The following KRT2 variants were observed in gnomAD, a reference collection of about 807,000 sequenced individuals.
The protein encoded by KRT2 is keratin, type II cytoskeletal 2 epidermal.
KRT2 carries 37 observed loss-of-function variants against 48.5 expected under a neutral mutation model. The ratio of observed to expected loss-of-function variants is 0.76; its 90% confidence interval spans 0.59 to 1.00. KRT2 has a LOEUF of 1.00. KRT2 is among the 50% of genes least tolerant of loss of function. The pLI, the probability that KRT2 is intolerant of heterozygous loss-of-function variation, is 0.00. For synonymous variants in KRT2, 324 were observed against 312.2 expected (o/e 1.04, Z -0.40); for missense variants, 880 against 815.2 (o/e 1.08, Z -0.97).
rs1941186835 is a variant in KRT2 at position 52,647,617 on chromosome 12, A to C, written c.1248+113T>G. The C allele has an allele frequency of 3.2e-6, 4 of 1,243,714 alleles. No homozygotes were observed. In the Admixed American group the frequency reaches 5.8e-5, roughly 18 times the overall value. 77.0% of individuals were successfully genotyped at this position (1,243,714 alleles called of 1,614,324 possible). The stretch of plus-strand genomic sequence containing the variant: ...GGAATTTGGGATCGATACATGCTAG[A>C]GTGCAATATCTCAGTGTCTCTCATC... On this transcript the variant is annotated intron_variant, in intron 6 of 8. Coordinates refer to ENST00000309680, the MANE Select transcript of KRT2 (RefSeq NM_000423.3).
rs1218541083 is a variant in KRT2 at position 52,651,783 on chromosome 12, T to C, written c.360A>G (p.Gly120=). 6.2e-7 allele frequency: 1 copy of C among 1,610,688 alleles called. No homozygotes were observed. The highest frequency in any genetic ancestry group is 8.5e-7 in the Non-Finnish European group (1 of 1,178,262). ...GGCCCCCAAAACCTCCAAAGCGGCC[T>C]CCACCAAAGCCGCCTCCACCGAAAC... The part of the protein sequence containing the change: ...GGGFGGGGFG[G]GRFGGFGGPG... Residue 120 remains glycine, a synonymous_variant, in exon 1 of 9, where the codon GGA becomes GGG. Transcript: ENST00000309680.
chr12:52,645,466 T>A (rs1413223357), intron 8 of KRT2, 32 bp from the exon 9 acceptor site: 4 of 1,614,004 alleles, frequency 2.5e-6, no homozygotes, highest in Middle Eastern at 1.6e-4. Context: ...CCACAGAGAT[T>A]ATGACTGCCT....
chr12:52,649,231 T>C, intron 3 of KRT2, 129 bp from the exon 4 acceptor site: 1 of 710,310 alleles, frequency 1.4e-6, no homozygotes, highest in Non-Finnish European at 2.6e-6. Context: ...CTGATCCCTG[T>C]CCCCATGGGA....
rs947664131 is a variant in KRT2 at position 52,647,587 on chromosome 12, G to C, written c.1248+143C>G. On this transcript the variant is annotated intron_variant, in intron 6 of 8. Coordinates refer to ENST00000309680, the MANE Select transcript of KRT2 (RefSeq NM_000423.3). ...TATAATAAGCCATAAATTATGTTAA[G>C]CTGGGGAATTTGGGATCGATACATG... 4.3e-6 allele frequency: 4 copies of C among 923,434 alleles called. No homozygotes were observed. The African/African-American group carries it at 6.5e-5, about 15-fold the overall frequency. The allele number at this position is 923,434 out of a possible 1,614,324, so 57.2% of individuals were successfully genotyped here. A position where few individuals can be genotyped will look rare whatever the true frequency, so the allele number is the denominator to read the frequency against.
At chr12:52,651,286 A>AT (rs1441507748) in intron 1 of KRT2, among the ~76,000 whole-genome samples, 1 of 152,306 alleles carries the variant, frequency 6.6e-6, no homozygotes, top group African/African-American at 2.4e-5. Context: ...GCCTATATCC[A>AT]TTTTTTATGG....
intron 1 of KRT2, among the ~76,000 whole-genome samples, chr12:52,651,050 A>C (rs1941241512): frequency 6.6e-6 from 1 of 152,180 alleles, no homozygotes; most frequent in Admixed American, 6.5e-5. Context: ...AAATAGGAGA[A>C]AAGCCAGTAA....
In KRT2 at chr12:52,651,823, C is replaced by T; in HGVS notation, c.320G>A (p.Gly107Asp). 2 of 1,603,554 alleles carry T rather than the reference C, an allele frequency of 1.2e-6. No homozygotes were observed. The highest frequency in any genetic ancestry group is 1.1e-5 in the South Asian group (1 of 90,544). The change falls in exon 1 of 9, where the codon GGC becomes GAC. Residue 107 changes from glycine (G) to aspartate (D), a missense_variant. Physicochemically the swap from Gly to Asp is moderately conservative, Grantham distance 94. Transcript: ENST00000309680. Reference protein sequence around the residue: ...GGGSSFGGGSGFSGGGFGGGG... With the variant: ...GGGSSFGGGSDFSGGGFGGGG... ...TCCACCGAAACCACCACCACTGAAG[C>T]CGCTGCCACCTCCAAAGCTGCTGCC...
rs777533202 is a variant in KRT2 at position 52,649,007 on chromosome 12, C to A, written c.957G>T (p.Ala319=). ...EIEFLKVLYD[A]EISQIHQSVT... is the part of the protein sequence containing the mutation. ...GACTGTCCCGGAGCAGCCTCCTTAC[C>A]GCATCATAGAGAACTTTCAGAAACT... Residue 319 remains alanine (A), a splice_region_variant and synonymous_variant, in exon 4 of 9, where the codon GCG becomes GCT. Transcript: ENST00000309680. 4 of 1,586,612 alleles carry A rather than the reference C, an allele frequency of 2.5e-6. No individual in the cohort carries two copies. The highest frequency in any genetic ancestry group is 2.6e-6 in the Non-Finnish European group (3 of 1,155,016).
intron 1 of KRT2, chr12:52,650,815 C>T: frequency 1.9e-6 from 1 of 532,780 alleles, no homozygotes; most frequent in East Asian, 3.4e-5. Context: ...TTTGCAGCTG[C>T]TCCCAATACT....
Position 52,651,881 on chromosome 12 carries a change from C to T in KRT2, c.262G>A (p.Gly88Arg), listed in dbSNP as rs755992166. The change falls in exon 1 of 9, where the codon GGA becomes AGA. Residue 88 changes from glycine to arginine, a missense_variant. By Grantham distance (125) the Gly-to-Arg change is moderately radical. Coordinates refer to ENST00000309680, the MANE Select transcript of KRT2 (RefSeq NM_000423.3). ...AAACCACCTCCTCTGCCACCAAATC[C>T]ACCAGCGGCGCCAAAGCCACCACCT... Reference protein sequence around the residue: ...GGGGGFGAAGGFGGRGGGFGG... With the variant: ...GGGGGFGAAGRFGGRGGGFGG... 8.7e-6 allele frequency: 14 copies of T among 1,609,242 alleles called. No individual in the cohort carries two copies. The highest frequency in any genetic ancestry group is 1.7e-5 in the Admixed American group (1 of 59,572).
At chr12:52,647,989 G>A in intron 5 of KRT2, 134 bp from the exon 6 acceptor site, 2 of 1,285,088 alleles carry the variant, frequency 1.6e-6, no homozygotes, top group African/African-American at 1.5e-5. Context: ...CTGCATTCAT[G>A]AGAGGTAGGG....
Position 52,652,003 on chromosome 12 carries a change from C to G in KRT2, c.140G>C (p.Gly47Ala). 1 of 1,611,982 alleles carries G rather than the reference C, an allele frequency of 6.2e-7. No homozygotes were observed. Among genetic ancestry groups the G allele is most frequent in the Non-Finnish European group, 8.5e-7 (1 of 1,179,928 alleles). The change falls in exon 1 of 9, where the codon GGT (glycine) becomes GCT (alanine). Residue 47 changes from glycine (G) to alanine (A), a missense_variant. Gly to Ala is a moderately conservative substitution (Grantham distance 60, BLOSUM62 0). Transcript: ENST00000309680. Reference protein sequence around the residue: ...TSSFSCLSRHGGGGGGFGGGG... With the variant: ...TSSFSCLSRHAGGGGGFGGGG... ...TCCACCGAAGCCCCCGCCACCACCACCATGGCGGCTCAAGCAGGAGAAGCT... is the reference window on the plus strand; with the variant it reads ...TCCACCGAAGCCCCCGCCACCACCAGCATGGCGGCTCAAGCAGGAGAAGCT...
intron 5 of KRT2, 81 bp downstream of exon 5, chr12:52,648,092 C>T (rs549463022): frequency 2.0e-6 from 3 of 1,496,394 alleles, no homozygotes; most frequent in East Asian, 2.3e-5. Context: ...AACCAATAAC[C>T]TTACTGTACA....
At chr12:52,645,670 T>C (rs1317939384) in intron 7 of KRT2, 101 bp from the exon 8 acceptor site, 2 of 1,231,988 alleles carry the variant, frequency 1.6e-6, no homozygotes, top group East Asian at 4.7e-5. Flanking sequence ...TTAGCCTCTC[T>C]AAGCAGCCAC....
At position 52,644,954 on chromosome 12, in the gene KRT2, A is replaced by T. The variant is rs1422814368; in HGVS notation, c.*65T>A. Reference sequence around the variant, plus strand: ...TGCTGCCAGTTAGAGGTACAGAGACAGGCTTCTACATTCTGGAGTGGGAGA... The same window carrying T: ...TGCTGCCAGTTAGAGGTACAGAGACTGGCTTCTACATTCTGGAGTGGGAGA... On this transcript the variant is annotated 3_prime_UTR_variant, in exon 9 of 9. Coordinates refer to ENST00000309680, the MANE Select transcript of KRT2 (RefSeq NM_000423.3). 1.3e-6 allele frequency: 2 copies of T among 1,571,780 alleles called. No homozygotes were observed. The highest frequency in any genetic ancestry group is 1.7e-6 in the Non-Finnish European group (2 of 1,142,876).
chr12:52,646,849 C>T lies in KRT2; in HGVS notation c.1360G>A (p.Glu454Lys), dbSNP rs1941171713. 4 of 1,614,146 alleles carry T rather than the reference C, an allele frequency of 2.5e-6. No homozygotes were observed. The highest frequency in any genetic ancestry group is 2.5e-6 in the Non-Finnish European group (3 of 1,180,010). The change falls in exon 7 of 9, where the codon GAG (glutamate) becomes AAG (lysine). Residue 454 changes from glutamate (E) to lysine (K), a missense_variant. Physicochemically the swap from Glu to Lys is moderately conservative, Grantham distance 56. Transcript: ENST00000309680. ...TCACGCAGCAGCCGCGCCAAGTCCT[C>T]CTTGGCCTGCTGCAGGGCCTCCTCC... is the stretch of plus-strand genomic sequence containing the variant. ...DLEEALQQAKEDLARLLRDYQ... is the reference protein window; with the variant it reads ...DLEEALQQAKKDLARLLRDYQ...
intron 3 of KRT2, among the ~76,000 whole-genome samples, chr12:52,649,628 T>C (rs1941219029): frequency 6.6e-6 from 1 of 152,246 alleles, no homozygotes; most frequent in Non-Finnish European, 1.5e-5. Context: ...AGAAGGAGAA[T>C]ACAAAGAGAT....
Position 52,644,927 on chromosome 12 carries a change from C to G in KRT2, c.*92G>C. 1 of 1,412,216 alleles carries G rather than the reference C, an allele frequency of 7.1e-7. No homozygotes were observed. Among genetic ancestry groups the G allele is most frequent in the Non-Finnish European group, 9.9e-7 (1 of 1,011,110 alleles). 87.5% of individuals were successfully genotyped at this position (1,412,216 alleles called of 1,614,324 possible). ...TCAGAGATAAATGACAAAAATTTAA[C>G]TTGCTGCCAGTTAGAGGTACAGAGA... On this transcript the variant is annotated 3_prime_UTR_variant, in exon 9 of 9. Transcript: ENST00000309680.
At position 52,649,047 on chromosome 12, in the gene KRT2, A is replaced by G; in HGVS notation, c.917T>C (p.Leu306Pro). Residue 306 changes from leucine (L) to proline (P), a missense_variant, in exon 4 of 9, where the codon CTG becomes CCG. Coordinates refer to ENST00000309680, the MANE Select transcript of KRT2 (RefSeq NM_000423.3). ...KVELQSKVDLLNQEIEFLKVL... is the reference protein window; with the variant it reads ...KVELQSKVDLPNQEIEFLKVL... ...TTTCAGAAACTCAATTTCCTGGTTCAGCAGGTCCACCTTGGACTGCAACTC... is the reference window on the plus strand; with the variant it reads ...TTTCAGAAACTCAATTTCCTGGTTCGGCAGGTCCACCTTGGACTGCAACTC... The G allele has an allele frequency of 1.2e-6, 2 of 1,613,748 alleles. No homozygotes were observed. The highest frequency in any genetic ancestry group is 1.7e-5 in the Admixed American group (1 of 60,032).
Sources: allele counts gnomAD v4.1 joint callset (sites outside exome capture counted in the v4.1 genomes callset), GRCh38; gene constraint gnomAD v4.1.1; transcripts MANE v1.5; gene names NCBI Gene and HGNC (gene_info 2026-07-23, HGNC 2026-07-21).